Variants in TAOK1 observed in about 807,000 individuals in gnomAD.
The protein encoded by TAOK1 is TAO kinase 1, also known as serine/threonine-protein kinase TAO1.
A neutral mutation model predicts 138.3 loss-of-function variants in TAOK1; 21 were observed. The ratio of observed to expected loss-of-function variants is 0.15; its 90% CI spans 0.11 to 0.22. TAOK1 has a LOEUF of 0.22. TAOK1 is among the 10% of genes least tolerant of loss of function. The pLI is 1.00. For missense variants in TAOK1, 651 were observed against 1,227.7 expected, an observed-to-expected ratio of 0.53 and a Z score of 7.02; for synonymous variants, 361 against 398.4, an observed-to-expected ratio of 0.91 and a Z score of 1.12.
At chr17:29,499,559 TCTTTC>T (rs1567736033) in intron 12 of TAOK1, among the ~76,000 whole-genome samples, 1 of 85,234 alleles carries the variant, frequency 1.2e-5, no homozygotes, top group African/African-American at 4.4e-5. Context: ...TTTCTTTCTT[TCTTTC>T]TTTTTTTTTT....
At chr17:29,446,229 C>G (rs779540308) in intron 1 of TAOK1, among the ~76,000 whole-genome samples, 2 of 152,076 alleles carry the variant, frequency 1.3e-5, no homozygotes, top group African/African-American at 2.4e-5. Context: ...CAATTTTTGA[C>G]TTGATTTTTT....
chr17:29,487,406 A>G (rs1483661153), intron 8 of TAOK1, among the ~76,000 whole-genome samples: 1 of 152,212 alleles, frequency 6.6e-6, no homozygotes, highest in African/African-American at 2.4e-5. Flanking sequence ...TTCAATATAC[A>G]TCATGTATTT....
chr17:29,428,573 A>T (rs1183931372), intron 1 of TAOK1, among the ~76,000 whole-genome samples: 2 of 152,198 alleles, frequency 1.3e-5, no homozygotes, highest in Non-Finnish European at 2.9e-5. Flanking sequence ...AATTACTTAC[A>T]TTCTTTGAAC....
intron 1 of TAOK1, among the ~76,000 whole-genome samples, chr17:29,439,897 T>A (rs939988829): frequency 6.8e-6 from 1 of 147,962 alleles, no homozygotes; most frequent in African/African-American, 2.5e-5. Flanking sequence ...AATTTTTTTT[T>A]AAGATAGTCT....
intron 1 of TAOK1, among the ~76,000 whole-genome samples, chr17:29,398,984 A>ATT (rs529390776): frequency 1.9e-4 from 26 of 138,402 alleles, no homozygotes; most frequent in African/African-American, 3.5e-4. Context: ...CATTGAGATA[A>ATT]TTTTTTTTTT....
At chr17:29,539,494 T>C (rs372272432) in intron 19 of TAOK1, among the ~76,000 whole-genome samples, 76 of 152,250 alleles carry the variant, frequency 5.0e-4, no homozygotes, top group Middle Eastern at 3.4e-3. Flanking sequence ...TGGAGTGCAA[T>C]GGCACTATCT....
At chr17:29,532,716 A>G (rs1257529590) in intron 18 of TAOK1, among the ~76,000 whole-genome samples, 2 of 152,100 alleles carry the variant, frequency 1.3e-5, no homozygotes, top group Non-Finnish European at 2.9e-5. Context: ...TTAGTACAGA[A>G]CAAAATGAAA....
At chr17:29,481,040 T>C (rs949208635) in intron 7 of TAOK1, among the ~76,000 whole-genome samples, 1 of 152,080 alleles carries the variant, frequency 6.6e-6, no homozygotes, top group African/African-American at 2.4e-5. Context: ...CCATTTTTAT[T>C]TGAAAGAAAG....
chr17:29,406,885 A>C (rs894646313), intron 1 of TAOK1, among the ~76,000 whole-genome samples: 2 of 152,060 alleles, frequency 1.3e-5, no homozygotes, highest in Non-Finnish European at 2.9e-5. Context: ...TTTTTTTAAA[A>C]CTGTTTGAGG....
At chr17:29,533,721 A>G (rs1169974088) in intron 18 of TAOK1, among the ~76,000 whole-genome samples, 2 of 150,748 alleles carry the variant, frequency 1.3e-5, no homozygotes, top group East Asian at 2.0e-4. Context: ...CGCGCCTGCA[A>G]TCGCAGGCAC....
At chr17:29,451,005 A>C (rs1598486158) in intron 1 of TAOK1, among the ~76,000 whole-genome samples, 1 of 152,214 alleles carries the variant, frequency 6.6e-6, no homozygotes, top group East Asian at 1.9e-4. Flanking sequence ...ACTTTCTCCC[A>C]CTATATTTTT....
At chr17:29,502,545 A>G (rs1266687964) in intron 12 of TAOK1, 44 bp from the exon 13 acceptor site, 2 of 1,565,908 alleles carry the variant, frequency 1.3e-6, no homozygotes, top group African/African-American at 1.4e-5. Context: ...GATTCAAACA[A>G]ACTGTTCACC....
At chr17:29,538,110 C>CAA (rs752543117) in intron 19 of TAOK1, among the ~76,000 whole-genome samples, 20 of 65,210 alleles carry the variant, frequency 3.1e-4, no homozygotes, top group South Asian at 5.2e-4. Flanking sequence ...GACTCCATCT[C>CAA]AAAAAAAAAA....
At chr17:29,481,077 C>T (rs1367990951) in intron 7 of TAOK1, among the ~76,000 whole-genome samples, 1 of 151,748 alleles carries the variant, frequency 6.6e-6, no homozygotes, top group Admixed American at 6.6e-5. Flanking sequence ...ATTATTCAGT[C>T]TTGGTTATTG....
intron 1 of TAOK1, among the ~76,000 whole-genome samples, chr17:29,449,180 A>C (rs1204544885): frequency 6.6e-6 from 1 of 152,110 alleles, no homozygotes; most frequent in East Asian, 1.9e-4. Context: ...TGTTTTTTTA[A>C]TAGTTTGATT....
At chr17:29,451,841 T>C in intron 2 of TAOK1, 161 bp downstream of exon 2, 1 of 588,892 alleles carries the variant, frequency 1.7e-6, no homozygotes, top group Non-Finnish European at 2.7e-6. Flanking sequence ...TGGGTGAGTG[T>C]GTGTGTCTGT....
chr17:29,435,035 G>A (rs1221588305), intron 1 of TAOK1, among the ~76,000 whole-genome samples: 3 of 152,148 alleles, frequency 2.0e-5, no homozygotes, highest in Non-Finnish European at 4.4e-5. Context: ...CATGGTGCTT[G>A]GCTTTGGTTA....
At chr17:29,535,826 G>A (rs536154009) in intron 19 of TAOK1, among the ~76,000 whole-genome samples, 1 of 152,160 alleles carries the variant, frequency 6.6e-6, no homozygotes, top group South Asian at 2.1e-4. Flanking sequence ...CTGCACTCCA[G>A]CCTGGGTTAC....
chr17:29,398,385 T>C (rs1904728827), intron 1 of TAOK1, among the ~76,000 whole-genome samples: 1 of 151,840 alleles, frequency 6.6e-6, no homozygotes, highest in Admixed American at 6.6e-5. Context: ...TTTTGTATTT[T>C]TAGTAGAGAC....
Sources: allele counts gnomAD v4.1 joint callset (sites outside exome capture counted in the v4.1 genomes callset), GRCh38; gene constraint gnomAD v4.1.1; transcripts MANE v1.5; gene names NCBI Gene and HGNC (gene_info 2026-07-23, HGNC 2026-07-21).